Variants in RFX3 observed in about 807,000 individuals in gnomAD.
The protein encoded by RFX3 is transcription factor RFX3.
Under a neutral mutation model 98.6 loss-of-function variants are expected in RFX3, and 14 were observed. The ratio of observed to expected loss-of-function variants is 0.14; its 90% CI spans 0.09 to 0.22. The LOEUF (loss-of-function observed/expected upper bound fraction) is 0.22, where lower values mean the gene tolerates loss of function less well. RFX3 is among the 10% of genes least tolerant of loss of function. The pLI is 1.00. For synonymous variants in RFX3, 383 were observed against 328.4 expected (o/e 1.17, Z -1.80); for missense variants, 639 against 926.9 (o/e 0.69, Z 4.03).
chr9:3,520,746 G>A (rs1818628468), intron 1 of RFX3, among the ~76,000 whole-genome samples: 1 of 152,188 alleles, frequency 6.6e-6, no homozygotes, highest in Admixed American at 6.5e-5. Flanking sequence ...CATGATCATA[G>A]CCCACTGTAA....
chr9:3,490,149 C>T (rs925415592), intron 1 of RFX3: 8 of 179,806 alleles, frequency 4.4e-5, no homozygotes, highest in Non-Finnish European at 8.5e-5. Flanking sequence ...AAAGGAAAAA[C>T]ATCAAAATAT....
chr9:3,520,712 G>A (rs1482521190), intron 1 of RFX3, among the ~76,000 whole-genome samples: 3 of 152,190 alleles, frequency 2.0e-5, no homozygotes, highest in Non-Finnish European at 4.4e-5. Context: ...GTCTTGCTCT[G>A]TCACCCAGGC....
At chr9:3,302,569 T>C (rs1275103877) in intron 4 of RFX3, among the ~76,000 whole-genome samples, 2 of 151,764 alleles carry the variant, frequency 1.3e-5, no homozygotes, top group Admixed American at 6.6e-5. Context: ...AGAGAGAAAA[T>C]TGATTTCATT....
chr9:3,270,712 G>T, intron 10 of RFX3, 187 bp from the exon 11 acceptor site: 1 of 669,798 alleles, frequency 1.5e-6, no homozygotes, highest in Non-Finnish European at 2.5e-6. Context: ...CTCCCCCAGA[G>T]CTGTCTATGC....
chr9:3,367,991 A>G (rs1837401584), intron 2 of RFX3, among the ~76,000 whole-genome samples: 2 of 152,214 alleles, frequency 1.3e-5, no homozygotes, highest in African/African-American at 4.8e-5. Context: ...CTATTTCAGT[A>G]TTTTAGCTAC....
In RFX3 at chr9:3,223,905, T is replaced by A. The variant is rs780315694; in HGVS notation, c.*1137A>T. The A allele has an allele frequency of 6.6e-6, 1 of 152,198 alleles. No individual in the cohort carries two copies. The highest frequency in any genetic ancestry group is 2.4e-5 in the African/African-American group (1 of 41,450). 9.4% of individuals were successfully genotyped at this position (152,198 alleles called of 1,614,324 possible). ...AGCCACCTATCCAAATCCTACAGAA[T>A]TGGGGATAAGTAACAGTGAGGTGTG... On this transcript the variant is annotated 3_prime_UTR_variant, in exon 17 of 17. Transcript: ENST00000617270.
Position 3,225,090 on chromosome 9 carries a change from C to G in RFX3, c.2202G>C (p.Gln734His). The stretch of plus-strand genomic sequence containing the variant: ...CTGTAGCGCTGCACTGTCTGATAGT[C>G]TGAGTACTTGTGACAATGTGCTCGC... Reference protein sequence around the residue: ...IHSEHIVTSTQTIRQCSATGN... With the variant: ...IHSEHIVTSTHTIRQCSATGN... Residue 734 changes from glutamine to histidine, a missense_variant, in exon 17 of 17, where the codon CAG becomes CAC. Transcript: ENST00000617270. 6.2e-7 allele frequency: 1 copy of G among 1,613,956 alleles called. No homozygotes were observed. Among genetic ancestry groups the G allele is most frequent in the Non-Finnish European group, 8.5e-7 (1 of 1,179,928 alleles).
At chr9:3,329,774 C>T (rs1832374567) in intron 4 of RFX3, among the ~76,000 whole-genome samples, 2 of 152,084 alleles carry the variant, frequency 1.3e-5, no homozygotes, top group South Asian at 4.1e-4. Flanking sequence ...AATGGCAAAA[C>T]TTACATGTCT....
At chr9:3,248,455 C>T (rs1367266381) in intron 14 of RFX3, among the ~76,000 whole-genome samples, 1 of 152,200 alleles carries the variant, frequency 6.6e-6, no homozygotes, top group African/African-American at 2.4e-5. Context: ...AAGTCTGCTG[C>T]TTCTACCAAA....
At chr9:3,502,850 G>A (rs1816186893) in intron 1 of RFX3, among the ~76,000 whole-genome samples, 1 of 152,028 alleles carries the variant, frequency 6.6e-6, no homozygotes, top group African/African-American at 2.4e-5. Context: ...AGATAGGTGG[G>A]GAATAAATGA....
chr9:3,502,006 C>T (rs960580953), intron 1 of RFX3, among the ~76,000 whole-genome samples: 1 of 151,872 alleles, frequency 6.6e-6, no homozygotes, highest in Non-Finnish European at 1.5e-5. Flanking sequence ...AATCCCAGCA[C>T]TCTGGGAGGC....
rs1193252932 is a variant in RFX3, at chr9:3,280,473, G to A, written c.852-3012C>T. 2.6e-5 allele frequency among the ~76,000 whole-genome samples: 4 copies of A among 151,628 alleles called. No individual in the cohort carries two copies. The East Asian group carries it at 5.8e-4, about 22-fold the overall frequency. On this transcript the variant is annotated intron_variant, in intron 7 of 16. Coordinates refer to ENST00000617270, the MANE Select transcript of RFX3 (RefSeq NM_001282116.2). ...AGAAATACTGGACTGAGAAAGCCTA[G>A]ATCCTCATTTTCAAGGTACCCTAAC...
chr9:3,454,341 T>C (rs1002342990), intron 1 of RFX3, among the ~76,000 whole-genome samples: 1 of 152,204 alleles, frequency 6.6e-6, no homozygotes, highest in Non-Finnish European at 1.5e-5. Flanking sequence ...GAATGCAACT[T>C]CAGATATGTA....
chr9:3,378,676 C>G (rs181466349), intron 2 of RFX3, among the ~76,000 whole-genome samples: 11 of 151,600 alleles, frequency 7.3e-5, no homozygotes, highest in African/African-American at 2.4e-4. Context: ...CCTGCTTCAC[C>G]TTCCCAAGTA....
rs762685632 is a variant in RFX3, at chr9:3,356,975, A to G, written c.118-10211T>C. Among the ~76,000 whole-genome samples, 882 of 139,862 alleles carry G rather than the reference A, an allele frequency of 6.3e-3. 4 individuals are homozygous for G. The highest frequency in any genetic ancestry group is 0.011 in the South Asian group (53 of 4,660). 91.8% of individuals were successfully genotyped at this position (139,862 alleles called of 152,430 possible). A position where few individuals can be genotyped will look rare whatever the true frequency, so the allele number is the denominator to read the frequency against. On this transcript the variant is annotated intron_variant, in intron 2 of 16. Transcript: ENST00000617270. ...CACATACACACATGCACACACACGC[A>G]CACACACACACACACACACACACTC...
intron 13 of RFX3, 119 bp from the exon 14 acceptor site, chr9:3,257,318 T>G (rs1383128031): frequency 1.3e-6 from 1 of 774,312 alleles, no homozygotes; most frequent in African/African-American, 1.8e-5. Context: ...CACAGTTAAA[T>G]GAATCCAGAA....
intron 1 of RFX3, among the ~76,000 whole-genome samples, chr9:3,505,850 T>C (rs955578192): frequency 2.0e-5 from 3 of 151,222 alleles, no homozygotes; most frequent in Admixed American, 6.6e-5. Flanking sequence ...TACATACTCA[T>C]TTATCTTCTC....
At chr9:3,285,986 T>C (rs1338265622) in intron 7 of RFX3, among the ~76,000 whole-genome samples, 1 of 151,838 alleles carries the variant, frequency 6.6e-6, no homozygotes, top group African/African-American at 2.4e-5. Context: ...AAGGCTTCTA[T>C]TTCTATGAAA....
chr9:3,500,929 G>C (rs1323320492), intron 1 of RFX3, among the ~76,000 whole-genome samples: 1 of 152,082 alleles, frequency 6.6e-6, no homozygotes, highest in Admixed American at 6.6e-5. Context: ...GAATACTTAG[G>C]ACCCTGTCAA....
Sources: allele counts gnomAD v4.1 joint callset (sites outside exome capture counted in the v4.1 genomes callset), GRCh38; gene constraint gnomAD v4.1.1; transcripts MANE v1.5; gene names NCBI Gene and HGNC (gene_info 2026-07-23, HGNC 2026-07-21).